CAPZB: variants seen among roughly 807,000 people sequenced by gnomAD.
CAPZB encodes the protein capping actin protein of muscle Z-line subunit beta.
Under a neutral mutation model 38.1 loss-of-function variants are expected in CAPZB, and 2 were observed. That is an observed-to-expected ratio of 0.05 (90% CI 0.02 to 0.17). The LOEUF (loss-of-function observed/expected upper bound fraction) is 0.17. Ranked by LOEUF, CAPZB falls within the 10% of genes least tolerant of loss-of-function variation. CAPZB has a pLI of 1.00. For missense variants in CAPZB, 161 were observed against 334.2 expected, an observed-to-expected ratio of 0.48 and a Z score of 4.04; for synonymous variants, 107 against 127.4, an observed-to-expected ratio of 0.84 and a Z score of 1.08.
At chr1:19,421,681 C>T (rs191687148) in intron 1 of CAPZB, among the ~76,000 whole-genome samples, 30 of 152,362 alleles carry the variant, frequency 2.0e-4, no homozygotes, top group African/African-American at 7.0e-4. Context: ...TAAGCTGATT[C>T]GACTCTAGAG....
In CAPZB at chr1:19,390,958, G is replaced by A. The variant is rs116252832; in HGVS notation, c.94-5332C>T. ...TTAAAGAAGGGGAAACAGGGCCTTA[G>A]AGAAATAACTTGACCGGAGCCACGC... On this transcript the variant is annotated intron_variant, in intron 2 of 8. Transcript: ENST00000264202. Among the ~76,000 whole-genome samples, 280 of 152,310 alleles carry A rather than the reference G, an allele frequency of 1.8e-3. 1 individual carries two copies. Among genetic ancestry groups the A allele is most frequent in the African/African-American group, 6.5e-3 (271 of 41,550 alleles).
At chr1:19,484,487 G>A in intron 1 of CAPZB, 1 of 1,410,034 alleles carries the variant, frequency 7.1e-7, no homozygotes, top group Non-Finnish European at 9.3e-7. Context: ...AGAAGGGCCC[G>A]CAGAGCAGCG....
At chr1:19,381,314 T>C (rs1232008293) in intron 3 of CAPZB, among the ~76,000 whole-genome samples, 2 of 150,864 alleles carry the variant, frequency 1.3e-5, no homozygotes, top group Non-Finnish European at 3.0e-5. Context: ...ACACAGATGT[T>C]GATCCTCATG....
chr1:19,472,999 G>T (rs2094595116), intron 1 of CAPZB, among the ~76,000 whole-genome samples: 2 of 152,132 alleles, frequency 1.3e-5, no homozygotes, highest in African/African-American at 4.8e-5. Context: ...TTACAGGTGT[G>T]AGCCACAGTG....
intron 1 of CAPZB, among the ~76,000 whole-genome samples, chr1:19,440,171 A>G (rs549933964): frequency 6.6e-6 from 1 of 152,288 alleles, no homozygotes; most frequent in African/African-American, 2.4e-5. Flanking sequence ...TTTCTGAAGC[A>G]GGGTCTTGCT....
intron 1 of CAPZB, among the ~76,000 whole-genome samples, chr1:19,479,158 C>T (rs570883771): frequency 1.3e-5 from 2 of 152,266 alleles, no homozygotes; most frequent in African/African-American, 4.8e-5. Flanking sequence ...TGCAGGGAGT[C>T]GAGATCGTGC....
At chr1:19,425,328 A>C (rs2094418402) in intron 1 of CAPZB, among the ~76,000 whole-genome samples, 1 of 152,210 alleles carries the variant, frequency 6.6e-6, no homozygotes. Context: ...CCATTCAATT[A>C]ATCATCTGAT....
intron 1 of CAPZB, among the ~76,000 whole-genome samples, chr1:19,473,821 G>A (rs12145671): frequency 2.0e-5 from 3 of 151,992 alleles, no homozygotes; most frequent in East Asian, 1.9e-4. Context: ...CTGAGACCAC[G>A]CCATTGCACT....
chr1:19,399,986 G>C (rs2094294193), intron 2 of CAPZB, among the ~76,000 whole-genome samples: 1 of 152,132 alleles, frequency 6.6e-6, no homozygotes, highest in Admixed American at 6.5e-5. Flanking sequence ...GCAGCTGAGT[G>C]AGTTATTCAC....
intron 1 of CAPZB, chr1:19,424,452 C>T (rs2094414879): frequency 6.6e-6 from 1 of 152,202 alleles, no homozygotes; most frequent in Admixed American, 6.5e-5. Context: ...ATCGTTCAAG[C>T]CCAGGAGTTC....
intron 1 of CAPZB, among the ~76,000 whole-genome samples, chr1:19,467,182 G>A (rs1326658809): frequency 1.3e-5 from 2 of 152,106 alleles, no homozygotes; most frequent in Admixed American, 6.6e-5. Flanking sequence ...GGCAACTACG[G>A]GCACTGTGCC....
intron 1 of CAPZB, among the ~76,000 whole-genome samples, chr1:19,432,042 C>CA (rs10583269): frequency 0.13 from 15,180 of 120,090 alleles, 1,008 homozygotes; most frequent in South Asian, 0.16. Context: ...GATCCTGTCT[C>CA]AAAAAAAAAA....
chr1:19,478,307 C>A (rs1238038314), intron 1 of CAPZB, among the ~76,000 whole-genome samples: 4 of 152,178 alleles, frequency 2.6e-5, no homozygotes. Flanking sequence ...TATCATCCAT[C>A]CATGTTAACA....
chr1:19,413,208 AG>A (rs1391176837), intron 2 of CAPZB, among the ~76,000 whole-genome samples: 15 of 152,354 alleles, frequency 9.8e-5, no homozygotes, highest in Admixed American at 8.5e-4. Flanking sequence ...GTGGAGGAGA[AG>A]GCAAGGAATA....
chr1:19,409,816 G>A lies in CAPZB; in HGVS notation c.93+9845C>T, dbSNP rs530211480. On this transcript the variant is annotated intron_variant, in intron 2 of 8. Transcript: ENST00000264202. Reference sequence around the variant, plus strand: ...AACTTCTAAGTTAAATTTGCATGCAGTCAAAGCTATCATTTCGGCACTGGC... The same window carrying A: ...AACTTCTAAGTTAAATTTGCATGCAATCAAAGCTATCATTTCGGCACTGGC... Among the ~76,000 whole-genome samples, 66 of 152,330 alleles carry A rather than the reference G, an allele frequency of 4.3e-4. No individual in the cohort carries two copies. In the South Asian group the frequency reaches 0.013, roughly 31 times the overall value.
chr1:19,425,016 G>A (rs984904601), intron 1 of CAPZB, among the ~76,000 whole-genome samples: 1 of 152,198 alleles, frequency 6.6e-6, no homozygotes, highest in African/African-American at 2.4e-5. Flanking sequence ...AGACAGAGAA[G>A]GTACAAAGAG....
chr1:19,368,175 T>TAGA (rs1349312448), intron 4 of CAPZB, among the ~76,000 whole-genome samples: 1 of 151,012 alleles, frequency 6.6e-6, no homozygotes, highest in East Asian at 2.0e-4. Flanking sequence ...GATCTGGGAG[T>TAGA]AGATGTCAGG....
chr1:19,445,087 T>A (rs1280274384), intron 1 of CAPZB, among the ~76,000 whole-genome samples: 1 of 152,144 alleles, frequency 6.6e-6, no homozygotes, highest in Non-Finnish European at 1.5e-5. Context: ...CACAAAGATA[T>A]CCATTTCAGC....
intron 6 of CAPZB, among the ~76,000 whole-genome samples, chr1:19,352,117 G>A (rs1569905749): frequency 6.6e-6 from 1 of 152,242 alleles, no homozygotes; most frequent in African/African-American, 2.4e-5. Flanking sequence ...GCTGGGCCCG[G>A]CCCACCCTCT....
Sources: allele counts gnomAD v4.1 joint callset (sites outside exome capture counted in the v4.1 genomes callset), GRCh38; gene constraint gnomAD v4.1.1; transcripts MANE v1.5; gene names NCBI Gene and HGNC (gene_info 2026-07-23, HGNC 2026-07-21).